Variants in GLS observed in about 807,000 individuals in gnomAD.
The protein encoded by GLS is glutaminase kidney isoform, mitochondrial.
In GLS, 36 loss-of-function variants were observed where a neutral mutation model predicts 86.7. The observed-to-expected ratio is 0.42, with a 90% CI of 0.32 to 0.55. GLS has a LOEUF of 0.55. Ranked by LOEUF, GLS falls within the 20% of genes least tolerant of loss-of-function variation. GLS has a pLI of 0.17. For missense variants in GLS, 528 were observed against 833.4 expected, an observed-to-expected ratio of 0.63 and a Z score of 4.51; for synonymous variants, 317 against 305.9, an observed-to-expected ratio of 1.04 and a Z score of -0.38.
chr2:190,891,992 A>G (rs112030525), intron 1 of GLS, among the ~76,000 whole-genome samples: 2,267 of 152,228 alleles, frequency 0.015, 58 homozygotes, highest in African/African-American at 0.05. Context: ...CTCATCTAAA[A>G]AAAAGCTTGA....
At chr2:190,888,181 T>C (rs1688450187) in intron 1 of GLS, among the ~76,000 whole-genome samples, 1 of 152,194 alleles carries the variant, frequency 6.6e-6, no homozygotes, top group Non-Finnish European at 1.5e-5. Flanking sequence ...TGTCTACTCT[T>C]CTAATATCCT....
At position 190,956,522 on chromosome 2, in the gene GLS, AAGTC is replaced by A. The variant is rs1271091207; in HGVS notation, c.1853+1707_1853+1710del. On this transcript the variant is annotated intron_variant, in intron 17 of 17. Transcript: ENST00000320717. This position sits in a 1 kb window ranked among gnomAD's most constrained non-coding sequence, Gnocchi z 4.2. The stretch of plus-strand genomic sequence containing the variant: ...TACTGTAGCCTTGTAGTATAGTTTG[AAGTC>A]AGGTAGCGTGATGCCTCCAGCTTTC... Among the ~76,000 whole-genome samples the A allele has an allele frequency of 2.0e-5, 3 of 152,202 alleles. No individual in the cohort carries two copies. Among genetic ancestry groups the A allele is most frequent in the Admixed American group, 1.3e-4 (2 of 15,292 alleles).
In GLS at chr2:190,924,115, A is replaced by C. The variant is rs984690509; in HGVS notation, c.1197+132A>C. On this transcript the variant is annotated intron_variant, in intron 10 of 17. Coordinates refer to ENST00000320717, the MANE Select transcript of GLS (RefSeq NM_014905.5). The surrounding 1 kb of genome is among the most constrained non-coding windows in gnomAD (Gnocchi z 5.2). ...ATTTAAGGTGCAGAAGTTTTTGCAGAGTGCTCGTGAGTCAGTGTTATCAAA... is the reference window on the plus strand; with the variant it reads ...ATTTAAGGTGCAGAAGTTTTTGCAGCGTGCTCGTGAGTCAGTGTTATCAAA... 1 of 596,378 alleles carries C rather than the reference A, an allele frequency of 1.7e-6. No homozygotes were observed. Among genetic ancestry groups the C allele is most frequent in the East Asian group, 2.9e-5 (1 of 34,238 alleles). The allele number at this position is 596,378 out of a possible 1,614,324, so 36.9% of individuals were successfully genotyped here. A position where few individuals can be genotyped will look rare whatever the true frequency, so the allele number is the denominator to read the frequency against.
Position 190,880,872 on chromosome 2 carries a change from C to CGGAGCA in GLS, c.-212_-211insGAGCAG. Reference sequence around the variant, plus strand: ...AGAACCGGTCGCGGCAATCCTAGCGCGCAGCAGCAGCAGCAGCAGCAGCAG... The same window carrying CGGAGCA: ...AGAACCGGTCGCGGCAATCCTAGCGCGGAGCAGCAGCAGCAGCAGCAGCAGCAGCAG... On this transcript the variant is annotated 5_prime_UTR_variant, in exon 1 of 18. Transcript: ENST00000320717. The CGGAGCA allele has an allele frequency of 1.3e-6, 1 of 742,350 alleles. No individual in the cohort carries two copies. Among genetic ancestry groups the CGGAGCA allele is most frequent in the Non-Finnish European group, 2.3e-6 (1 of 442,838 alleles). The allele number at this position is 742,350 out of a possible 1,614,324, so 46.0% of individuals were successfully genotyped here.
chr2:190,916,185 T>C (rs971554021), intron 7 of GLS, among the ~76,000 whole-genome samples: 18 of 152,078 alleles, frequency 1.2e-4, no homozygotes, highest in Admixed American at 9.8e-4. Flanking sequence ...AAAAGGAAAA[T>C]CTTACAAATT....
At position 190,954,951 on chromosome 2, in the gene GLS, C is replaced by G; in HGVS notation, c.1853+133C>G. Reference sequence around the variant, plus strand: ...ATGATATCTTATAAAGGCAATAAACCTTGTTTCTACTAGATAGGTAATTCT... The same window carrying G: ...ATGATATCTTATAAAGGCAATAAACGTTGTTTCTACTAGATAGGTAATTCT... On this transcript the variant is annotated intron_variant, in intron 17 of 17. Coordinates refer to ENST00000320717, the MANE Select transcript of GLS (RefSeq NM_014905.5). This position sits in a 1 kb window ranked among gnomAD's most constrained non-coding sequence, Gnocchi z 4.0. 1 of 622,604 alleles carries G rather than the reference C, an allele frequency of 1.6e-6. No individual in the cohort carries two copies. Among genetic ancestry groups the G allele is most frequent in the Non-Finnish European group, 2.8e-6 (1 of 358,102 alleles). The allele number at this position is 622,604 out of a possible 1,614,324, so 38.6% of individuals were successfully genotyped here. A position where few individuals can be genotyped will look rare whatever the true frequency, so the allele number is the denominator to read the frequency against.
rs1483628212 is a variant in GLS, at chr2:190,935,275, T to C, written c.1650+3638T>C. 1 of 582,094 alleles carries C rather than the reference T, an allele frequency of 1.7e-6. No individual in the cohort carries two copies. Among genetic ancestry groups the C allele is most frequent in the Non-Finnish European group, 2.2e-6 (1 of 461,848 alleles). The allele number at this position is 582,094 out of a possible 1,614,324, so 36.1% of individuals were successfully genotyped here. A position where few individuals can be genotyped will look rare whatever the true frequency, so the allele number is the denominator to read the frequency against. ...CCTACATTTTGTATTGCACAATAAA[T>C]TTATTTTAAGCTGATTTTATTGTTT... On this transcript the variant is annotated intron_variant, in intron 14 of 17. Coordinates refer to ENST00000320717, the MANE Select transcript of GLS (RefSeq NM_014905.5). The surrounding 1 kb of genome is among the most constrained non-coding windows in gnomAD (Gnocchi z 4.2).
rs1318794943 is a variant in GLS, at chr2:190,924,875, A to G, written c.1248+282A>G. 1 of 283,170 alleles carries G rather than the reference A, an allele frequency of 3.5e-6. No individual in the cohort carries two copies. The highest frequency in any genetic ancestry group is 6.7e-6 in the Non-Finnish European group (1 of 149,050). 17.5% of individuals were successfully genotyped at this position (283,170 alleles called of 1,614,324 possible). On this transcript the variant is annotated intron_variant, in intron 11 of 17. Transcript: ENST00000320717. The surrounding 1 kb of genome is among the most constrained non-coding windows in gnomAD (Gnocchi z 5.2). ...GGTTGCAGTGAGCCGAGATCACGCC[A>G]CTGCATTCCAGCCTGGCGACACAGT...
intron 12 of GLS, among the ~76,000 whole-genome samples, chr2:190,928,937 T>C (rs1690003394): frequency 7.3e-6 from 1 of 136,668 alleles, no homozygotes; most frequent in Non-Finnish European, 1.6e-5. Context: ...TTTTGTTTAG[T>C]TTTGTGTAAA....
chr2:190,895,471 A>C lies in GLS; in HGVS notation c.484-133A>C, dbSNP rs1688701168. On this transcript the variant is annotated intron_variant, in intron 2 of 17. Coordinates refer to ENST00000320717, the MANE Select transcript of GLS (RefSeq NM_014905.5). The surrounding 1 kb of genome is among the most constrained non-coding windows in gnomAD (Gnocchi z 4.2). ...CTTGTCCAGAAAGTGGGTAATAGTG[A>C]CACTAAGATGCCATATTCATGTTCA... 1.6e-6 allele frequency: 1 copy of C among 615,540 alleles called. No homozygotes were observed. Among genetic ancestry groups the C allele is most frequent in the East Asian group, 2.7e-5 (1 of 36,414 alleles). The allele number at this position is 615,540 out of a possible 1,614,324, so 38.1% of individuals were successfully genotyped here. A position where few individuals can be genotyped will look rare whatever the true frequency, so the allele number is the denominator to read the frequency against.
intron 17 of GLS, among the ~76,000 whole-genome samples, chr2:190,959,615 T>TAATTTTAGAAAGAATAAAATTAGAAAGA (rs1690951785): frequency 1.3e-5 from 2 of 152,298 alleles, no homozygotes; most frequent in South Asian, 4.1e-4. Context: ...TAGAGAAGCA[T>TAATTTTAGAAAGAATAAAATTAGAAAGA]AAACTTTAAG....
intron 1 of GLS, among the ~76,000 whole-genome samples, chr2:190,883,971 G>A (rs1398274815): frequency 6.6e-6 from 1 of 152,048 alleles, no homozygotes. Context: ...TTTCCATCAC[G>A]CAACTTTAGT....
In GLS at chr2:190,897,503, T is replaced by C. The variant is rs1688786129; in HGVS notation, c.605+1778T>C. On this transcript the variant is annotated intron_variant, in intron 3 of 17. Transcript: ENST00000320717. This position sits in a 1 kb window ranked among gnomAD's most constrained non-coding sequence, Gnocchi z 4.3. ...GCTTGTAATACAGGCAGTTTCCAAC[T>C]TGACAAATGTTTTATGGTCTATATG... Among the ~76,000 whole-genome samples the C allele has an allele frequency of 6.6e-6, 1 of 152,218 alleles. No homozygotes were observed. The highest frequency in any genetic ancestry group is 2.4e-5 in the African/African-American group (1 of 41,464).
intron 14 of GLS, among the ~76,000 whole-genome samples, chr2:190,944,196 A>ATTTTTTTTTTTTTTTTTT (rs5837212): frequency 6.8e-6 from 1 of 147,236 alleles, no homozygotes; most frequent in Non-Finnish European, 1.5e-5. Flanking sequence ...AATGGCCTGG[A>ATTTTTTTTTTTTTTTTTT]TTTTTTTTTT....
intron 1 of GLS, chr2:190,881,805 C>T: frequency 4.3e-6 from 1 of 233,130 alleles, no homozygotes; most frequent in Non-Finnish European, 8.4e-6. Context: ...AGCTCCCTGG[C>T]TTGCGGCTGC....
chr2:190,958,281 AT>A (rs1332093484), intron 17 of GLS, among the ~76,000 whole-genome samples: 2 of 152,058 alleles, frequency 1.3e-5, no homozygotes, highest in African/African-American at 4.8e-5. Flanking sequence ...CAGTGGTGAT[AT>A]CCCCTTTATC....
chr2:190,895,346 TA>T lies in GLS; in HGVS notation c.483+99del. 1.7e-6 allele frequency: 1 copy of T among 572,376 alleles called. No individual in the cohort carries two copies. Among genetic ancestry groups the T allele is most frequent in the Non-Finnish European group, 3.1e-6 (1 of 323,232 alleles). The allele number at this position is 572,376 out of a possible 1,614,324, so 35.5% of individuals were successfully genotyped here. ...ATAGTCTTAAAGGTCGTCTGACATG[TA>T]GATTCTGACTGACAATATTTCTCTT... On this transcript the variant is annotated intron_variant, in intron 2 of 17. Coordinates refer to ENST00000320717, the MANE Select transcript of GLS (RefSeq NM_014905.5). The surrounding 1 kb of genome is among the most constrained non-coding windows in gnomAD (Gnocchi z 4.2).
intron 1 of GLS, among the ~76,000 whole-genome samples, chr2:190,885,827 G>C (rs893694712): frequency 2.7e-5 from 4 of 150,762 alleles, no homozygotes; most frequent in African/African-American, 9.7e-5. Context: ...TTTTCTAGGT[G>C]ATGATTATCA....
In GLS at chr2:190,955,274, T is replaced by C. The variant is rs996554373; in HGVS notation, c.1853+456T>C. 1.3e-5 allele frequency among the ~76,000 whole-genome samples: 2 copies of C among 152,106 alleles called. No individual in the cohort carries two copies. The highest frequency in any genetic ancestry group is 4.8e-5 in the African/African-American group (2 of 41,436). The stretch of plus-strand genomic sequence containing the variant: ...TAGGTATTTCTTCTAATGCGATCCC[T>C]CCCTTACCCTGACCCCCAAACAGGC... On this transcript the variant is annotated intron_variant, in intron 17 of 17. Transcript: ENST00000320717. This position sits in a 1 kb window ranked among gnomAD's most constrained non-coding sequence, Gnocchi z 5.6.
Sources: gnomAD v4.1 joint callset for allele counts (sites outside exome capture counted in the v4.1 genomes callset) on GRCh38, gnomAD v4.1.1 for gene constraint, Gnocchi (gnomAD v3.1) non-coding constraint, MANE v1.5 for transcripts, NCBI Gene and HGNC (gene_info 2026-07-23, HGNC 2026-07-21) for gene names.